Variants in TMEM161B observed in about 807,000 individuals in gnomAD.
TMEM161B encodes transmembrane protein 161B.
A neutral mutation model predicts 61.8 loss-of-function variants in TMEM161B; 34 were observed. That is an observed-to-expected ratio of 0.55 (90% confidence interval 0.42 to 0.73). TMEM161B has a LOEUF of 0.73. TMEM161B is among the 30% of genes least tolerant of loss of function. TMEM161B has a pLI of 0.00. For synonymous variants in TMEM161B, 167 were observed against 192.8 expected, an observed-to-expected ratio of 0.87 and a Z score of 1.11; for missense variants, 456 against 558.5, an observed-to-expected ratio of 0.82 and a Z score of 1.85.
intron 1 of TMEM161B, among the ~76,000 whole-genome samples, chr5:88,253,155 C>G (rs1409129162): frequency 6.6e-6 from 1 of 152,062 alleles, no homozygotes; most frequent in Non-Finnish European, 1.5e-5. Context: ...TTAGATAAAA[C>G]CTATCTAAAA....
chr5:88,246,512 T>C (rs936589278), intron 1 of TMEM161B, among the ~76,000 whole-genome samples: 2 of 151,954 alleles, frequency 1.3e-5, no homozygotes, highest in African/African-American at 4.8e-5. Context: ...TTTAAGATAT[T>C]ACTATGCAAT....
intron 5 of TMEM161B, among the ~76,000 whole-genome samples, chr5:88,219,292 C>A (rs570779148): frequency 1.3e-5 from 2 of 152,096 alleles, no homozygotes; most frequent in East Asian, 1.9e-4. Context: ...CCCAAAGATA[C>A]GTGCTTAATC....
At chr5:88,192,016 A>ATATATATATATG (rs1561287451), downstream of TMEM161B, among the ~76,000 whole-genome samples, 4 of 88,178 alleles carry the variant, frequency 4.5e-5, no homozygotes, top group African/African-American at 1.7e-4. Context: ...ATATATATAT[A>ATATATATATATG]TATATATATA....
intron 4 of TMEM161B, 91 bp downstream of exon 4, chr5:88,225,678 T>C (rs540578880): frequency 2.6e-6 from 2 of 758,806 alleles, no homozygotes; most frequent in East Asian, 2.8e-5. Flanking sequence ...CCATATTCTC[T>C]ATAATGGACT....
In TMEM161B at chr5:88,232,125, C is replaced by T. The variant is rs965135806; in HGVS notation, c.108-3597G>A. On this transcript the variant is annotated intron_variant, in intron 2 of 11. Transcript: ENST00000296595. ...CCATTTTAAACAGCAAGATCACCAA[C>T]GAAAAGCAAAATTGTAAAAAAATGT... is the stretch of plus-strand genomic sequence containing the variant. Among the ~76,000 whole-genome samples, 6 of 151,870 alleles carry T rather than the reference C, an allele frequency of 4.0e-5. No homozygotes were observed. The East Asian group carries it at 1.2e-3, about 29-fold the overall frequency.
intron 1 of TMEM161B, among the ~76,000 whole-genome samples, chr5:88,255,268 C>T (rs190675813): frequency 1.4e-3 from 206 of 152,280 alleles, no homozygotes; most frequent in Non-Finnish European, 1.6e-3. Context: ...CAGCACAAAA[C>T]AATCATGAAG....
At chr5:88,190,020 C>T (rs550136224) in exon 13 of TMEM161B, 40 of 699,838 alleles carry the variant, frequency 5.7e-5, no homozygotes, top group African/African-American at 5.2e-4. Context: ...TGAGCCGATC[C>T]GTAAGGGCAG....
chr5:88,221,020 A>G (rs1748872528), intron 4 of TMEM161B, among the ~76,000 whole-genome samples: 1 of 152,214 alleles, frequency 6.6e-6, no homozygotes, highest in East Asian at 1.9e-4. Context: ...GTCTTAACTG[A>G]TTAGCTACTT....
chr5:88,265,089 C>G (rs1756206174), intron 1 of TMEM161B, among the ~76,000 whole-genome samples: 1 of 152,042 alleles, frequency 6.6e-6, no homozygotes, highest in African/African-American at 2.4e-5. Flanking sequence ...TATCCCAGAA[C>G]TTAAAGTAAA....
intron 2 of TMEM161B, among the ~76,000 whole-genome samples, chr5:88,239,643 C>T (rs2112648637): frequency 6.6e-6 from 1 of 152,106 alleles, no homozygotes. Flanking sequence ...AGTATACACA[C>T]ACACACCTGT....
chr5:88,258,062 GCT>G (rs1247305553), intron 1 of TMEM161B, among the ~76,000 whole-genome samples: 2 of 152,148 alleles, frequency 1.3e-5, no homozygotes, highest in African/African-American at 4.8e-5. Context: ...TAAGTGGGAA[GCT>G]CTCTATTAAA....
At chr5:88,259,316 T>C (rs1755396733) in intron 1 of TMEM161B, 1 of 152,190 alleles carries the variant, frequency 6.6e-6, no homozygotes, top group African/African-American at 2.4e-5. Context: ...GCTGAATGTA[T>C]GGAAGGGAAG....
intron 4 of TMEM161B, chr5:88,221,703 T>C: frequency 2.2e-6 from 1 of 456,212 alleles, no homozygotes. Context: ...ATAGGTATTC[T>C]GGTTTACTTC....
chr5:88,206,380 G>T (rs1393520089), intron 7 of TMEM161B, 59 bp downstream of exon 7: 1 of 1,372,346 alleles, frequency 7.3e-7, no homozygotes. Flanking sequence ...AGTAAATACT[G>T]CTTTATTAAA....
At chr5:88,211,204 AAG>A (rs1419583584) in intron 5 of TMEM161B, among the ~76,000 whole-genome samples, 3 of 152,108 alleles carry the variant, frequency 2.0e-5, no homozygotes, top group Non-Finnish European at 1.5e-5. Context: ...TCAAGAAAAA[AAG>A]AGATGACAGA....
chr5:88,208,099 C>T (rs1745892751), intron 5 of TMEM161B, among the ~76,000 whole-genome samples: 1 of 152,170 alleles, frequency 6.6e-6, no homozygotes, highest in African/African-American at 2.4e-5. Flanking sequence ...TCTGTAATCC[C>T]AGCACTTTGG....
At chr5:88,196,672 C>G (rs1580313809) in intron 11 of TMEM161B, among the ~76,000 whole-genome samples, 184 bp from the exon 12 acceptor site, 2 of 151,980 alleles carry the variant, frequency 1.3e-5, no homozygotes, top group African/African-American at 4.8e-5. Flanking sequence ...TGACTAGAGA[C>G]TATCTGGCCT....
chr5:88,207,797 A>G (rs1376851246), intron 5 of TMEM161B, among the ~76,000 whole-genome samples: 3 of 152,198 alleles, frequency 2.0e-5, no homozygotes, highest in Admixed American at 6.5e-5. Flanking sequence ...TGCATGGCCC[A>G]AAGATAGAAC....
At chr5:88,224,037 C>T (rs1346189182) in intron 4 of TMEM161B, among the ~76,000 whole-genome samples, 1 of 152,062 alleles carries the variant, frequency 6.6e-6, no homozygotes, top group Non-Finnish European at 1.5e-5. Context: ...ATTTCGAAGC[C>T]ACTTTGTATC....
Sources: gnomAD v4.1 joint callset for allele counts (sites outside exome capture counted in the v4.1 genomes callset) on GRCh38, gnomAD v4.1.1 for gene constraint, MANE v1.5 for transcripts, NCBI Gene and HGNC (gene_info 2026-07-23, HGNC 2026-07-21) for gene names.